Variants in CPAMD8 observed in about 807,000 individuals in gnomAD.
CPAMD8 encodes the protein C3 and PZP like alpha-2-macroglobulin domain containing 8.
In CPAMD8, 146 loss-of-function variants were observed where a neutral mutation model predicts 224.7. The observed-to-expected ratio is 0.65, with a 90% CI of 0.57 to 0.75. The LOEUF (loss-of-function observed/expected upper bound fraction) is 0.75, where lower values mean the gene tolerates loss of function less well. CPAMD8 is among the 30% of genes least tolerant of loss of function. CPAMD8 has a pLI of 0.00. For synonymous variants in CPAMD8, 966 were observed against 1,044.6 expected, an observed-to-expected ratio of 0.92 and a Z score of 1.45; for missense variants, 2,301 against 2,537.5, an observed-to-expected ratio of 0.91 and a Z score of 2.00.
chr19:16,945,624 T>C lies in CPAMD8; in HGVS notation c.2718A>G (p.Lys906=), dbSNP rs760523143. 19 of 1,614,176 alleles carry C rather than the reference T, an allele frequency of 1.2e-5. No homozygotes were observed. Among genetic ancestry groups the C allele is most frequent in the Non-Finnish European group, 1.6e-5 (19 of 1,179,998 alleles). The change falls in exon 22 of 42, where the codon AAA becomes AAG. Residue 906 remains lysine (K), a synonymous_variant. Coordinates refer to ENST00000443236, the MANE Select transcript of CPAMD8 (RefSeq NM_015692.5). ...TGTCGGCGTGATTCTCCTCAGGGTGTTTGCTGGACCTCCCATCCCGGCAGC... is the reference window on the plus strand; with the variant it reads ...TGTCGGCGTGATTCTCCTCAGGGTGCTTGCTGGACCTCCCATCCCGGCAGC... ...TNCCRDGRSS[K]HPEENHADRR... is the part of the protein sequence containing the mutation.
intron 1 of CPAMD8, 150 bp downstream of exon 1, chr19:17,026,401 T>C (rs2057082449): frequency 4.5e-6 from 4 of 880,802 alleles, no homozygotes; most frequent in Non-Finnish European, 6.3e-6. Context: ...GGGCGCCCCC[T>C]CCTCAAGACG....
intron 24 of CPAMD8, 92 bp from the exon 25 acceptor site, chr19:16,928,326 G>C: frequency 1.0e-6 from 1 of 994,062 alleles, no homozygotes; most frequent in South Asian, 1.5e-5. Flanking sequence ...GCCAGGGTCA[G>C]AGGCCTCAGC....
intron 18 of CPAMD8, among the ~76,000 whole-genome samples, chr19:16,964,797 A>T (rs1296978687): frequency 6.6e-6 from 1 of 152,226 alleles, no homozygotes; most frequent in Non-Finnish European, 1.5e-5. Flanking sequence ...TCAATAAAAT[A>T]CTGGCAAACA....
chr19:16,997,176 C>G lies in CPAMD8; in HGVS notation c.1030G>C (p.Val344Leu). The G allele has an allele frequency of 6.3e-7, 1 of 1,598,242 alleles. No individual in the cohort carries two copies. Residue 344 changes from valine (V) to leucine (L), a missense_variant, in exon 11 of 42, where the codon GTG (valine) becomes CTG (leucine). Physicochemically the swap from Val to Leu is conservative, Grantham distance 32 (BLOSUM62 1). Coordinates refer to ENST00000443236, the MANE Select transcript of CPAMD8 (RefSeq NM_015692.5). ...DDSTPVQRQL[V>L]DIRYSKDTRK... Reference sequence around the variant, plus strand: ...GTGTCCTTGGAGTACCGGATGTCCACCAGCTGCCTCTGCACGGGGGTGGAG... The same window carrying G: ...GTGTCCTTGGAGTACCGGATGTCCAGCAGCTGCCTCTGCACGGGGGTGGAG...
chr19:16,951,398 C>G (rs978334638), intron 20 of CPAMD8, among the ~76,000 whole-genome samples: 1 of 152,120 alleles, frequency 6.6e-6, no homozygotes, highest in Non-Finnish European at 1.5e-5. Context: ...TATTTTGTGA[C>G]AGGTGAAAAT....
At chr19:17,025,925 G>A (rs1164836708) in intron 1 of CPAMD8, among the ~76,000 whole-genome samples, 1 of 152,132 alleles carries the variant, frequency 6.6e-6, no homozygotes, top group Non-Finnish European at 1.5e-5. Context: ...GCTTGAACAA[G>A]CCGCCTTCTA....
chr19:16,967,505 A>G (rs1267107126), intron 18 of CPAMD8, among the ~76,000 whole-genome samples: 1 of 152,140 alleles, frequency 6.6e-6, no homozygotes, highest in Admixed American at 6.6e-5. Context: ...AAGAAAATAC[A>G]TATATAATTA....
intron 41 of CPAMD8, chr19:16,894,961 C>CAT (rs2051902976): frequency 5.8e-6 from 1 of 171,308 alleles, no homozygotes; most frequent in Admixed American, 5.7e-5. Flanking sequence ...CACACACACA[C>CAT]TAGCTGGGCG....
chr19:17,004,907 G>A (rs1012594693), intron 7 of CPAMD8, among the ~76,000 whole-genome samples: 3 of 151,560 alleles, frequency 2.0e-5, no homozygotes, highest in South Asian at 2.1e-4. Context: ...TGCCAATATC[G>A]CCCCTAGGGG....
At chr19:16,919,532 C>T (rs985073510) in intron 27 of CPAMD8, among the ~76,000 whole-genome samples, 1 of 152,268 alleles carries the variant, frequency 6.6e-6, no homozygotes, top group Admixed American at 6.5e-5. Flanking sequence ...CAGGCAGAAA[C>T]ACCCAGCTAA....
intron 12 of CPAMD8, among the ~76,000 whole-genome samples, chr19:16,990,863 C>CAAAAAAACAAAAA (rs2055921186): frequency 1.4e-5 from 1 of 73,176 alleles, no homozygotes; most frequent in Non-Finnish European, 2.5e-5. Flanking sequence ...AACTCTGTCT[C>CAAAAAAACAAAAA]AAAAAAAAAA....
At position 16,945,557 on chromosome 19, in the gene CPAMD8, T is replaced by C. The variant is rs757148665; in HGVS notation, c.2785A>G (p.Met929Val). ...IGVDHVRRSV[M>V]VEAEGVPRAY... ...TGAGGACACGGCCTTACCTCAACCA[T>C]CACACTGCGCCTGACGTGATCCACC... Residue 929 changes from methionine (M) to valine (V), a missense_variant, in exon 22 of 42, where the codon ATG becomes GTG. Met to Val is a conservative substitution (Grantham distance 21). This residue lies in a region of CPAMD8 where 1,709 missense variants were observed against 1,753.2 expected (regional missense o/e 0.97). Transcript: ENST00000443236. 6.2e-7 allele frequency: 1 copy of C among 1,613,830 alleles called. No individual in the cohort carries two copies. The highest frequency in any genetic ancestry group is 8.5e-7 in the Non-Finnish European group (1 of 1,179,812).
intron 27 of CPAMD8, among the ~76,000 whole-genome samples, chr19:16,920,827 G>A (rs1456449793): frequency 6.8e-6 from 1 of 146,604 alleles, no homozygotes; most frequent in East Asian, 2.0e-4. Context: ...CTGCACTCCA[G>A]CCTGGGGAAC....
At chr19:16,958,963 C>T (rs1468139729) in intron 18 of CPAMD8, among the ~76,000 whole-genome samples, 6 of 151,764 alleles carry the variant, frequency 4.0e-5, no homozygotes, top group Non-Finnish European at 1.5e-5. Context: ...CTACACCCAG[C>T]TAATTTTGTA....
intron 3 of CPAMD8, chr19:17,013,433 C>T (rs1032142816): frequency 2.0e-5 from 3 of 151,724 alleles, no homozygotes; most frequent in African/African-American, 7.3e-5. Flanking sequence ...ATCACTTGAA[C>T]CTGGGAGGCA....
In CPAMD8 at chr19:16,945,544, C is replaced by A; in HGVS notation, c.2793+5G>T. 2 of 1,613,824 alleles carry A rather than the reference C, an allele frequency of 1.2e-6. No individual in the cohort carries two copies. The highest frequency in any genetic ancestry group is 1.1e-5 in the South Asian group (1 of 91,048). On this transcript the variant is annotated splice_donor_5th_base_variant and intron_variant, in intron 22 of 41. Transcript: ENST00000443236. ...TAAGCACCAGAGATGAGGACACGGCCTTACCTCAACCATCACACTGCGCCT... is the reference window on the plus strand; with the variant it reads ...TAAGCACCAGAGATGAGGACACGGCATTACCTCAACCATCACACTGCGCCT...
chr19:16,920,855 CAAAAAAAAAAAAA>C (rs200039066), intron 27 of CPAMD8, among the ~76,000 whole-genome samples: 102 of 118,900 alleles, frequency 8.6e-4, no homozygotes, highest in Non-Finnish European at 7.7e-4. Context: ...GACTCTATCT[CAAAAAAAAAAAAA>C]AAAAAAAAAA....
At chr19:16,921,415 C>T (rs961142511) in intron 27 of CPAMD8, among the ~76,000 whole-genome samples, 1 of 152,058 alleles carries the variant, frequency 6.6e-6, no homozygotes, top group African/African-American at 2.4e-5. Flanking sequence ...GAAAACAAGA[C>T]CCAGGTGTGC....
chr19:16,895,717 T>G, intron 41 of CPAMD8: 2 of 351,778 alleles, frequency 5.7e-6, no homozygotes, highest in South Asian at 4.2e-5. Flanking sequence ...GAGCAGCGAC[T>G]TGACGTGCTC....
Sources: allele counts gnomAD v4.1 joint callset (sites outside exome capture counted in the v4.1 genomes callset), GRCh38; gene constraint gnomAD v4.1.1; regional missense constraint gnomAD v4.1.1; transcripts MANE v1.5; gene names NCBI Gene and HGNC (gene_info 2026-07-23, HGNC 2026-07-21).